The following CSMD1 variants were observed in gnomAD, a reference collection of about 807,000 sequenced individuals.
CSMD1 encodes CUB and Sushi multiple domains 1, also known as CUB and sushi domain-containing protein 1.
In CSMD1, 213 loss-of-function variants were observed where a neutral mutation model predicts 417.5. The observed-to-expected ratio is 0.51, with a 90% CI of 0.46 to 0.57. The LOEUF (loss-of-function observed/expected upper bound fraction) is 0.57. Ranked by LOEUF, CSMD1 falls within the 20% of genes least tolerant of loss-of-function variation. The pLI is 0.00. For missense variants in CSMD1, 6,923 were observed against 4,529.7 expected, an observed-to-expected ratio of 1.53 and a Z score of -15.17; for synonymous variants, 2,862 against 1,736.8, an observed-to-expected ratio of 1.65 and a Z score of -16.11.
chr8:3,175,842 G>C (rs1349243130), intron 37 of CSMD1, among the ~76,000 whole-genome samples: 1 of 152,162 alleles, frequency 6.6e-6, no homozygotes, highest in Non-Finnish European at 1.5e-5. Context: ...TTTCCTAGTA[G>C]TGAATGTGAA....
chr8:3,755,534 G>C (rs1427693202), intron 5 of CSMD1, among the ~76,000 whole-genome samples: 3 of 152,158 alleles, frequency 2.0e-5, no homozygotes, highest in African/African-American at 4.8e-5. Context: ...GTGTGGGCCT[G>C]CCTGTGAGCG....
intron 2 of CSMD1, among the ~76,000 whole-genome samples, chr8:4,435,065 A>G (rs746499300): frequency 9.9e-5 from 15 of 152,184 alleles, no homozygotes; most frequent in Non-Finnish European, 2.2e-4. Flanking sequence ...TGTGTGTAAT[A>G]TATCGGTGTA....
chr8:3,905,724 C>T lies in CSMD1; in HGVS notation c.818+92179G>A, dbSNP rs982992575. The stretch of plus-strand genomic sequence containing the variant: ...ATCTCCTTATCCACATCCAAGTCCA[C>T]GCAGATAATAGACTCGTCTTAAAAT... On this transcript the variant is annotated intron_variant, in intron 5 of 69. Coordinates refer to ENST00000635120, the MANE Select transcript of CSMD1 (RefSeq NM_033225.6). 5.3e-5 allele frequency among the ~76,000 whole-genome samples: 8 copies of T among 152,174 alleles called. No homozygotes were observed. The East Asian group carries it at 9.6e-4, about 18-fold the overall frequency.
At chr8:4,099,411 A>G (rs1801189643) in intron 3 of CSMD1, among the ~76,000 whole-genome samples, 1 of 152,088 alleles carries the variant, frequency 6.6e-6, no homozygotes, top group East Asian at 1.9e-4. Context: ...GCTGCTTTCT[A>G]AAGCCTTGCA....
At chr8:4,277,690 T>G (rs1359103868) in intron 3 of CSMD1, among the ~76,000 whole-genome samples, 2 of 152,178 alleles carry the variant, frequency 1.3e-5, no homozygotes, top group African/African-American at 4.8e-5. Context: ...GCGACAGAAT[T>G]TAAGAAACTC....
At chr8:4,723,187 C>A (rs1290661452) in intron 1 of CSMD1, among the ~76,000 whole-genome samples, 1 of 152,070 alleles carries the variant, frequency 6.6e-6, no homozygotes, top group Non-Finnish European at 1.5e-5. Flanking sequence ...TCATGGGGAA[C>A]CCGCCAGGAA....
At chr8:4,567,770 G>T (rs975660617) in intron 2 of CSMD1, among the ~76,000 whole-genome samples, 1 of 151,940 alleles carries the variant, frequency 6.6e-6, no homozygotes. Context: ...ACTATTGCTG[G>T]TCATAAAATT....
At chr8:3,215,184 CT>C (rs1797812027) in intron 29 of CSMD1, among the ~76,000 whole-genome samples, 1 of 152,170 alleles carries the variant, frequency 6.6e-6, no homozygotes, top group Non-Finnish European at 1.5e-5. Flanking sequence ...AGAGCACTTT[CT>C]TATACGAATA....
At chr8:3,394,004 A>AT (rs33927495) in intron 17 of CSMD1, among the ~76,000 whole-genome samples, 353 of 32,054 alleles carry the variant, frequency 0.011, 13 homozygotes, top group African/African-American at 0.036. Context: ...TAATAATAAA[A>AT]AAATAAATTA....
chr8:3,070,768 CT>C (rs1216542504), intron 49 of CSMD1, among the ~76,000 whole-genome samples: 1 of 152,238 alleles, frequency 6.6e-6, no homozygotes, highest in Non-Finnish European at 1.5e-5. Context: ...CAACCTCTGC[CT>C]GTTACCCAGT....
At chr8:4,159,663 A>G (rs747362478) in intron 3 of CSMD1, among the ~76,000 whole-genome samples, 116 of 152,252 alleles carry the variant, frequency 7.6e-4, no homozygotes, top group Non-Finnish European at 1.5e-3. Flanking sequence ...ATCTCGGCTC[A>G]CTGCAAGCTC....
intron 7 of CSMD1, among the ~76,000 whole-genome samples, chr8:3,693,444 G>C (rs1328094594): frequency 6.6e-6 from 1 of 152,108 alleles, no homozygotes; most frequent in Non-Finnish European, 1.5e-5. Flanking sequence ...GACTTAGCTG[G>C]GTATTGATAC....
chr8:3,957,105 T>A (rs1020817144), intron 5 of CSMD1, among the ~76,000 whole-genome samples: 6 of 144,518 alleles, frequency 4.2e-5, no homozygotes, highest in Non-Finnish European at 9.1e-5. Flanking sequence ...GGAAACTATT[T>A]CCTCACGTTC....
chr8:4,113,932 G>T (rs527490270), intron 3 of CSMD1, among the ~76,000 whole-genome samples: 12 of 152,302 alleles, frequency 7.9e-5, no homozygotes, highest in African/African-American at 4.8e-5. Context: ...TGGTTCATAA[G>T]ATTTAAGAAA....
intron 1 of CSMD1, among the ~76,000 whole-genome samples, chr8:4,738,880 A>G (rs1810415788): frequency 1.2e-5 from 1 of 84,650 alleles, no homozygotes. Flanking sequence ...ATAGTCATCT[A>G]TTATACTTAA....
At chr8:3,033,133 A>C (rs938959102) in intron 50 of CSMD1, among the ~76,000 whole-genome samples, 2 of 152,228 alleles carry the variant, frequency 1.3e-5, no homozygotes, top group South Asian at 2.1e-4. Context: ...TTTTATTTTG[A>C]AAGTTCTTTA....
At chr8:3,121,990 GA>G (rs1475830363) in intron 41 of CSMD1, among the ~76,000 whole-genome samples, 1 of 152,082 alleles carries the variant, frequency 6.6e-6, no homozygotes, top group African/African-American at 2.4e-5. Flanking sequence ...TTAGGTTGGT[GA>G]AAATGTAATT....
At chr8:4,534,572 A>G (rs1390501187) in intron 2 of CSMD1, among the ~76,000 whole-genome samples, 1 of 151,286 alleles carries the variant, frequency 6.6e-6, no homozygotes, top group Non-Finnish European at 1.5e-5. Flanking sequence ...TAGTTTTTCA[A>G]CCCCTCCCCT....
chr8:3,909,828 T>C (rs974982218), intron 5 of CSMD1, among the ~76,000 whole-genome samples: 31 of 150,164 alleles, frequency 2.1e-4, no homozygotes, highest in African/African-American at 7.5e-4. Context: ...GTGATTGTAA[T>C]AGAAGCACCA....
Sources: allele counts gnomAD v4.1 joint callset (sites outside exome capture counted in the v4.1 genomes callset), GRCh38; gene constraint gnomAD v4.1.1; transcripts MANE v1.5; gene names NCBI Gene and HGNC (gene_info 2026-07-23, HGNC 2026-07-21).